ARHGAP42: variants seen among roughly 807,000 people sequenced by gnomAD.
ARHGAP42 encodes the protein Rho GTPase activating protein 42.
Under a neutral mutation model 125.0 loss-of-function variants are expected in ARHGAP42, and 63 were observed. That is an observed-to-expected ratio of 0.50 (90% confidence interval 0.41 to 0.62). The LOEUF is 0.62. ARHGAP42 is among the 20% of genes least tolerant of loss of function. The pLI is 0.00. For missense variants in ARHGAP42, 766 were observed against 1,024.2 expected, an observed-to-expected ratio of 0.75 and a Z score of 3.44; for synonymous variants, 339 against 351.0, an observed-to-expected ratio of 0.97 and a Z score of 0.38.
At chr11:100,701,546 T>C (rs2120204603) in intron 1 of ARHGAP42, among the ~76,000 whole-genome samples, 1 of 152,372 alleles carries the variant, frequency 6.6e-6, no homozygotes, top group East Asian at 1.9e-4. Context: ...CATTAGCACT[T>C]GCTGTTTCAC....
chr11:100,729,222 G>A (rs1861914695), intron 1 of ARHGAP42, among the ~76,000 whole-genome samples: 2 of 151,960 alleles, frequency 1.3e-5, no homozygotes, highest in South Asian at 4.2e-4. Flanking sequence ...GATGGCCAAA[G>A]GATGTCACTT....
At chr11:100,921,706 T>C (rs2135244631) in intron 6 of ARHGAP42, 102 bp downstream of exon 6, 6 of 743,786 alleles carry the variant, frequency 8.1e-6, no homozygotes, top group South Asian at 6.6e-5. Flanking sequence ...AAAATTATGA[T>C]TGATAAAAAT....
At chr11:100,827,543 C>T (rs374614494) in intron 3 of ARHGAP42, among the ~76,000 whole-genome samples, 23 of 152,122 alleles carry the variant, frequency 1.5e-4, no homozygotes, top group East Asian at 5.8e-4. Flanking sequence ...GAAATGTTTA[C>T]CTGGGGTCAT....
At chr11:100,927,394 T>C (rs1591300898) in intron 6 of ARHGAP42, among the ~76,000 whole-genome samples, 1 of 152,220 alleles carries the variant, frequency 6.6e-6, no homozygotes, top group Non-Finnish European at 1.5e-5. Flanking sequence ...ATTTCTATCC[T>C]GTTTAAAATC....
At chr11:100,728,955 G>C (rs1286170705) in intron 1 of ARHGAP42, among the ~76,000 whole-genome samples, 1 of 151,888 alleles carries the variant, frequency 6.6e-6, no homozygotes, top group East Asian at 1.9e-4. Context: ...TTTCAGTAGA[G>C]ATGGGGTTTT....
rs1861800240 is a variant in ARHGAP42 at position 100,723,419 on chromosome 11, A to C, written c.154+35587A>C. 2.0e-5 allele frequency among the ~76,000 whole-genome samples: 3 copies of C among 152,338 alleles called. No individual in the cohort carries two copies. The South Asian group carries it at 6.2e-4, about 32-fold the overall frequency. On this transcript the variant is annotated intron_variant, in intron 1 of 23. Coordinates refer to ENST00000298815, the MANE Select transcript of ARHGAP42 (RefSeq NM_152432.4). The stretch of plus-strand genomic sequence containing the variant: ...GTCTTCCTATCTAGAAACATAGAAT[A>C]TCTCTCCATTTATTTAAATCTTTAA...
chr11:100,740,840 A>G (rs1195062608), intron 1 of ARHGAP42, among the ~76,000 whole-genome samples: 1 of 151,934 alleles, frequency 6.6e-6, no homozygotes, highest in African/African-American at 2.4e-5. Context: ...GGATTATTTA[A>G]AAAAAATATG....
At chr11:100,867,378 A>G (rs1300047563) in intron 4 of ARHGAP42, among the ~76,000 whole-genome samples, 2 of 152,238 alleles carry the variant, frequency 1.3e-5, no homozygotes, top group Non-Finnish European at 2.9e-5. Flanking sequence ...GATTTTAGCT[A>G]TATCTTCTGG....
At chr11:100,884,736 T>G (rs1343104846) in intron 4 of ARHGAP42, among the ~76,000 whole-genome samples, 1 of 152,182 alleles carries the variant, frequency 6.6e-6, no homozygotes, top group African/African-American at 2.4e-5. Flanking sequence ...CTTTTATTTC[T>G]TTATGATTTT....
intron 21 of ARHGAP42, among the ~76,000 whole-genome samples, chr11:100,978,549 A>G (rs1858447812): frequency 6.6e-6 from 1 of 151,270 alleles, no homozygotes; most frequent in Non-Finnish European, 1.5e-5. Context: ...CACATATTAA[A>G]AAAATACATC....
intron 17 of ARHGAP42, among the ~76,000 whole-genome samples, chr11:100,972,686 C>A (rs183273255): frequency 6.6e-6 from 1 of 152,160 alleles, no homozygotes; most frequent in African/African-American, 2.4e-5. Flanking sequence ...TCAAAATACA[C>A]GTTTCTTTAG....
chr11:100,818,290 A>G (rs777309546), intron 3 of ARHGAP42, among the ~76,000 whole-genome samples: 1 of 151,834 alleles, frequency 6.6e-6, no homozygotes, highest in African/African-American at 2.4e-5. Flanking sequence ...CCTCTGTGCC[A>G]TGATAGATAC....
rs757090173 is a variant in ARHGAP42, at chr11:100,992,452, T to G, written c.*3651T>G. The G allele has an allele frequency of 6.2e-7, 1 of 1,614,142 alleles. No homozygotes were observed. Among genetic ancestry groups the G allele is most frequent in the South Asian group, 1.1e-5 (1 of 91,082 alleles). The stretch of plus-strand genomic sequence containing the variant: ...TAGGGTACACATTGCTATTTAACTT[T>G]GCCTCCTACCCTTTTTTGTTACCTT... On this transcript the variant is annotated 3_prime_UTR_variant, in exon 24 of 24. Coordinates refer to ENST00000298815, the MANE Select transcript of ARHGAP42 (RefSeq NM_152432.4).
chr11:100,698,700 T>A (rs899502535), intron 1 of ARHGAP42, among the ~76,000 whole-genome samples: 3 of 152,122 alleles, frequency 2.0e-5, no homozygotes, highest in African/African-American at 7.3e-5. Flanking sequence ...GGGTCATTTT[T>A]AAAAAATTTA....
intron 3 of ARHGAP42, among the ~76,000 whole-genome samples, chr11:100,827,807 G>A (rs1368426054): frequency 2.0e-5 from 3 of 152,190 alleles, no homozygotes; most frequent in Admixed American, 2.0e-4. Flanking sequence ...TAAGTATCAA[G>A]CAAGAACTTT....
intron 3 of ARHGAP42, among the ~76,000 whole-genome samples, chr11:100,858,418 A>G (rs1033273722): frequency 6.6e-6 from 1 of 152,130 alleles, no homozygotes; most frequent in East Asian, 1.9e-4. Flanking sequence ...TTTTCTGCAA[A>G]TCGAGGATTA....
At position 100,933,236 on chromosome 11, in the gene ARHGAP42, A is replaced by G; in HGVS notation, c.678A>G (p.Gln226=). ...CCCAGGAATTTGCACCGTATAAGCA[A>G]CAGCTGCAGTTCAACTTGCAGAATG... is the stretch of plus-strand genomic sequence containing the variant. ...ELAQEFAPYK[Q]QLQFNLQNTR... The change falls in exon 7 of 24, where the codon CAA becomes CAG. Residue 226 remains glutamine (Q), a synonymous_variant. Coordinates refer to ENST00000298815, the MANE Select transcript of ARHGAP42 (RefSeq NM_152432.4). The G allele has an allele frequency of 6.4e-7, 1 of 1,550,400 alleles. No individual in the cohort carries two copies. The highest frequency in any genetic ancestry group is 8.7e-7 in the Non-Finnish European group (1 of 1,146,156).
intron 19 of ARHGAP42, 34 bp from the exon 20 acceptor site, chr11:100,976,023 A>C: frequency 6.8e-7 from 1 of 1,464,964 alleles, no homozygotes; most frequent in Non-Finnish European, 9.0e-7. Flanking sequence ...AGATAGTTAC[A>C]GTTGCTTTCA....
chr11:100,687,900 G>C, intron 1 of ARHGAP42, 68 bp downstream of exon 1: 1 of 1,469,778 alleles, frequency 6.8e-7, no homozygotes, highest in Admixed American at 2.2e-5. Flanking sequence ...GGGTCCGAAG[G>C]GTGGGTTGGA....
Sources: allele counts gnomAD v4.1 joint callset (sites outside exome capture counted in the v4.1 genomes callset), GRCh38; gene constraint gnomAD v4.1.1; transcripts MANE v1.5; gene names NCBI Gene and HGNC (gene_info 2026-07-23, HGNC 2026-07-21).